FSTL4: variants seen among roughly 807,000 people sequenced by gnomAD.
The protein encoded by FSTL4 is follistatin like 4, also known as follistatin-related protein 4.
A neutral mutation model predicts 78.2 loss-of-function variants in FSTL4; 28 were observed. That is an observed-to-expected ratio of 0.36 (90% CI 0.27 to 0.49). The LOEUF (loss-of-function observed/expected upper bound fraction) is 0.49. Among genes scored for constraint, FSTL4 ranks in the 20% least tolerant of loss-of-function variants. The probability of loss-of-function intolerance (pLI) is 0.98; values close to 1 mark genes in which losing one functional copy is unlikely to be tolerated. For synonymous variants in FSTL4, 422 were observed against 440.5 expected, an observed-to-expected ratio of 0.96 and a Z score of 0.53; for missense variants, 922 against 1,084.9, an observed-to-expected ratio of 0.85 and a Z score of 2.11.
At chr5:133,779,618 A>G in the FSTL4 span, among the ~76,000 whole-genome samples, 1 of 152,136 alleles carries the variant, frequency 6.6e-6, no homozygotes, top group Non-Finnish European at 1.5e-5. Context: ...ACAAAATAAA[A>G]TAAGTGATGT....
intron 6 of FSTL4, among the ~76,000 whole-genome samples, chr5:133,283,223 G>A (rs569597109): frequency 2.4e-4 from 37 of 151,846 alleles, no homozygotes; most frequent in Non-Finnish European, 4.9e-4. Context: ...GGGGTCCTCT[G>A]GGCCTTTAAG....
chr5:133,600,423 G>C (rs113748949), intron 2 of FSTL4, among the ~76,000 whole-genome samples: 23 of 46,356 alleles, frequency 5.0e-4, no homozygotes, highest in Non-Finnish European at 6.2e-4. Flanking sequence ...TAGGATAAAG[G>C]GGGGGGGGAT....
intron 4 of FSTL4, among the ~76,000 whole-genome samples, chr5:133,337,262 C>A (rs1754484229): frequency 6.6e-6 from 1 of 152,208 alleles, no homozygotes; most frequent in South Asian, 2.1e-4. Flanking sequence ...TAGGTGGGGG[C>A]TTCTTGCACC....
At chr5:133,772,412 C>G in the FSTL4 span, among the ~76,000 whole-genome samples, 1 of 152,094 alleles carries the variant, frequency 6.6e-6, no homozygotes, top group Non-Finnish European at 1.5e-5. Context: ...TAGTTTTTGT[C>G]CATTTGATGT....
intron 4 of FSTL4, among the ~76,000 whole-genome samples, chr5:133,346,642 T>C (rs1754703301): frequency 6.6e-6 from 1 of 152,154 alleles, no homozygotes; most frequent in Non-Finnish European, 1.5e-5. Flanking sequence ...TCTGTCTCAG[T>C]GGGTCATTCT....
chr5:133,627,330 T>C, the FSTL4 span, among the ~76,000 whole-genome samples: 5 of 152,154 alleles, frequency 3.3e-5, no homozygotes, highest in Non-Finnish European at 5.9e-5. Context: ...ATGTCTTACA[T>C]AGCAGCAGAC....
rs1755060282 is a variant in FSTL4 at position 133,361,141 on chromosome 5, A to C, written c.409+39597T>G. Among the ~76,000 whole-genome samples the C allele has an allele frequency of 6.6e-6, 1 of 152,202 alleles. No homozygotes were observed. Among genetic ancestry groups the C allele is most frequent in the African/African-American group, 2.4e-5 (1 of 41,442 alleles). On this transcript the variant is annotated intron_variant, in intron 4 of 15. Transcript: ENST00000265342. The surrounding 1 kb of genome is among the most constrained non-coding windows in gnomAD (Gnocchi z 4.3). ...AACTTTTTCTGAGCCCTTGAAGCCG[A>C]GAGCAAGTCTGAAACATGATTCCCG...
At chr5:133,596,482 C>T (rs1264165927) in intron 2 of FSTL4, among the ~76,000 whole-genome samples, 2 of 152,296 alleles carry the variant, frequency 1.3e-5, no homozygotes, top group Non-Finnish European at 1.5e-5. Context: ...CAATCTAGAT[C>T]CCAAATAACA....
At chr5:133,298,105 G>T (rs557728176) in intron 6 of FSTL4, among the ~76,000 whole-genome samples, 1 of 152,352 alleles carries the variant, frequency 6.6e-6, no homozygotes, top group South Asian at 2.1e-4. Context: ...CTCTAGCTGA[G>T]AGGTGGGCAA....
intron 3 of FSTL4, among the ~76,000 whole-genome samples, chr5:133,461,332 A>C (rs1757587429): frequency 6.6e-6 from 1 of 152,234 alleles, no homozygotes; most frequent in African/African-American, 2.4e-5. Flanking sequence ...TGGTTCTTCA[A>C]GAACAGGGTG....
intron 3 of FSTL4, among the ~76,000 whole-genome samples, chr5:133,532,304 T>C (rs1759270130): frequency 6.6e-6 from 1 of 152,234 alleles, no homozygotes; most frequent in South Asian, 2.1e-4. Context: ...AGGCCAACTA[T>C]TATAAATAAC....
intron 3 of FSTL4, among the ~76,000 whole-genome samples, chr5:133,471,472 G>T (rs963984103): frequency 1.3e-5 from 2 of 152,146 alleles, no homozygotes; most frequent in Non-Finnish European, 2.9e-5. Flanking sequence ...AATTCTCATG[G>T]ATGGGATTGG....
intron 4 of FSTL4, among the ~76,000 whole-genome samples, chr5:133,374,608 A>T (rs373569315): frequency 1.3e-5 from 2 of 152,184 alleles, no homozygotes; most frequent in South Asian, 2.1e-4. Flanking sequence ...CTGAAGCATA[A>T]ATCTCCAATG....
At chr5:133,209,498 G>T (rs1222768150) in intron 14 of FSTL4, among the ~76,000 whole-genome samples, 1 of 152,214 alleles carries the variant, frequency 6.6e-6, no homozygotes, top group Non-Finnish European at 1.5e-5. Context: ...ATCTTTGGGA[G>T]AATTGAGAAA....
chr5:133,704,549 C>T, the FSTL4 span, among the ~76,000 whole-genome samples: 1 of 152,192 alleles, frequency 6.6e-6, no homozygotes, highest in African/African-American at 2.4e-5. Flanking sequence ...CTCAAAGGCA[C>T]CGGGTTGCCA....
At chr5:133,803,446 A>G in the FSTL4 span, among the ~76,000 whole-genome samples, 1 of 152,184 alleles carries the variant, frequency 6.6e-6, no homozygotes, top group Non-Finnish European at 1.5e-5. Flanking sequence ...TATACCTCCC[A>G]CTACAGGCTT....
intron 4 of FSTL4, among the ~76,000 whole-genome samples, chr5:133,363,393 C>A (rs968609909): frequency 6.6e-6 from 1 of 151,962 alleles, no homozygotes; most frequent in African/African-American, 2.4e-5. Context: ...TCCTTGTTTT[C>A]CCCCAGCAAC....
chr5:133,666,478 CTGCAGGTA>C, the FSTL4 span, among the ~76,000 whole-genome samples: 1 of 151,924 alleles, frequency 6.6e-6, no homozygotes, highest in South Asian at 2.1e-4. Flanking sequence ...CCCTTAGAAA[CTGCAGGTA>C]TTCTAATTAT....
chr5:133,215,442 A>C (rs1300206512), intron 13 of FSTL4, among the ~76,000 whole-genome samples: 1 of 151,914 alleles, frequency 6.6e-6, no homozygotes, highest in Non-Finnish European at 1.5e-5. Flanking sequence ...TGCTTACTTG[A>C]CTTCTCTACT....
Sources: allele counts gnomAD v4.1 joint callset (sites outside exome capture counted in the v4.1 genomes callset), GRCh38; gene constraint gnomAD v4.1.1; non-coding constraint Gnocchi (gnomAD v3.1); transcripts MANE v1.5; gene names NCBI Gene and HGNC (gene_info 2026-07-23, HGNC 2026-07-21).